Variants in DAD1 observed in about 807,000 individuals in gnomAD.
DAD1 encodes defender against cell death 1, also known as dolichyl-diphosphooligosaccharide--protein glycosyltransferase subunit DAD1.
In DAD1, 4 loss-of-function variants were observed where a neutral mutation model predicts 9.0. The observed-to-expected ratio is 0.44, with a 90% CI of 0.22 to 1.01. The LOEUF is 1.01. Ranked by LOEUF, DAD1 falls within the 50% of genes least tolerant of loss-of-function variation. The pLI, the probability that DAD1 is intolerant of heterozygous loss-of-function variation, is 0.24. For missense variants in DAD1, 119 were observed against 137.3 expected (o/e 0.87, Z 0.67); for synonymous variants, 60 against 62.5 (o/e 0.96, Z 0.19).
intron 1 of DAD1, among the ~76,000 whole-genome samples, chr14:22,577,584 A>G (rs987974570): frequency 3.3e-5 from 5 of 152,254 alleles, no homozygotes; most frequent in South Asian, 2.1e-4. Flanking sequence ...GTATACATAC[A>G]ATGGAATACT....
At chr14:22,573,162 G>T (rs570845842) in intron 2 of DAD1, among the ~76,000 whole-genome samples, 2 of 151,284 alleles carry the variant, frequency 1.3e-5, no homozygotes, top group Non-Finnish European at 2.9e-5. Context: ...TGTCTTGAAG[G>T]CAGAAGCCAC....
chr14:22,581,743 CA>C (rs59052046), intron 1 of DAD1, among the ~76,000 whole-genome samples: 208 of 36,732 alleles, frequency 5.7e-3, no homozygotes, highest in East Asian at 0.014. Context: ...AACTCCATCT[CA>C]AAAAAAAAAA....
chr14:22,578,057 C>T (rs2037090025), intron 1 of DAD1, among the ~76,000 whole-genome samples: 1 of 151,108 alleles, frequency 6.6e-6, no homozygotes, highest in Non-Finnish European at 1.5e-5. Flanking sequence ...AGTTCAAGAC[C>T]AGCCTGACCA....
intron 2 of DAD1, chr14:22,567,056 G>A (rs969881790): frequency 6.6e-6 from 1 of 152,164 alleles, no homozygotes; most frequent in African/African-American, 2.4e-5. Flanking sequence ...CTCCTCCCCT[G>A]ATATCAAGAC....
At chr14:22,569,719 T>G (rs2037025610) in intron 2 of DAD1, among the ~76,000 whole-genome samples, 1 of 152,222 alleles carries the variant, frequency 6.6e-6, no homozygotes, top group African/African-American at 2.4e-5. Flanking sequence ...TCGATATTCT[T>G]TTTTCTTTGG....
At chr14:22,581,227 CAAAT>C (rs1424228318) in intron 1 of DAD1, among the ~76,000 whole-genome samples, 2 of 152,006 alleles carry the variant, frequency 1.3e-5, no homozygotes, top group Non-Finnish European at 2.9e-5. Context: ...AATAAGTTAA[CAAAT>C]AAACCAGGAA....
At chr14:22,573,012 TCTG>T (rs1420986607) in intron 2 of DAD1, among the ~76,000 whole-genome samples, 1 of 152,218 alleles carries the variant, frequency 6.6e-6, no homozygotes, top group Non-Finnish European at 1.5e-5. Context: ...AGATAACTCA[TCTG>T]CTGTCCCTGC....
chr14:22,565,048 G>C lies in DAD1; in HGVS notation c.*134C>G. 1.4e-6 allele frequency: 1 copy of C among 698,548 alleles called. No individual in the cohort carries two copies. The highest frequency in any genetic ancestry group is 1.5e-5 in the South Asian group (1 of 66,840). 43.3% of individuals were successfully genotyped at this position (698,548 alleles called of 1,614,324 possible). ...GCTTTTCTCCTGCATAAAAAGCAGA[G>C]CTAGCAGTAAGTGCAAATCTGAAGA... On this transcript the variant is annotated 3_prime_UTR_variant, in exon 3 of 3. Coordinates refer to ENST00000250498, the MANE Select transcript of DAD1 (RefSeq NM_001344.4).
At chr14:22,586,399 G>A (rs1292174171) in intron 1 of DAD1, among the ~76,000 whole-genome samples, 1 of 151,972 alleles carries the variant, frequency 6.6e-6, no homozygotes, top group Non-Finnish European at 1.5e-5. Flanking sequence ...TACAAAATTC[G>A]CCGGGCGTGG....
At chr14:22,568,359 A>C (rs2037015025) in intron 2 of DAD1, among the ~76,000 whole-genome samples, 2 of 152,252 alleles carry the variant, frequency 1.3e-5, no homozygotes, top group Non-Finnish European at 2.9e-5. Flanking sequence ...TTTTTGTAAA[A>C]GGCTTCATAC....
intron 1 of DAD1, among the ~76,000 whole-genome samples, chr14:22,583,168 G>A (rs2037129422): frequency 6.6e-6 from 1 of 152,130 alleles, no homozygotes; most frequent in South Asian, 2.1e-4. Context: ...TTACTAATTT[G>A]GAATTCGGGG....
At chr14:22,571,140 A>G (rs1013267271) in intron 2 of DAD1, among the ~76,000 whole-genome samples, 1 of 151,726 alleles carries the variant, frequency 6.6e-6, no homozygotes, top group Non-Finnish European at 1.5e-5. Flanking sequence ...TAGCCAACAG[A>G]GTGAAACCCC....
chr14:22,570,278 G>T (rs1431826285), intron 2 of DAD1, among the ~76,000 whole-genome samples: 1 of 152,090 alleles, frequency 6.6e-6, no homozygotes, highest in African/African-American at 2.4e-5. Flanking sequence ...GAAATCAAAC[G>T]GGAAACCTGC....
intron 1 of DAD1, among the ~76,000 whole-genome samples, chr14:22,581,675 G>A (rs776616277): frequency 3.4e-5 from 5 of 145,598 alleles, no homozygotes; most frequent in African/African-American, 1.3e-4. Flanking sequence ...CCCGGGAGGC[G>A]GAAGTTGCAG....
At chr14:22,568,172 A>G (rs753956611) in intron 2 of DAD1, among the ~76,000 whole-genome samples, 3 of 152,156 alleles carry the variant, frequency 2.0e-5, no homozygotes, top group Non-Finnish European at 4.4e-5. Flanking sequence ...CTAAAGTTTC[A>G]CCAAGGTGTA....
At chr14:22,585,550 C>G (rs185595961) in intron 1 of DAD1, among the ~76,000 whole-genome samples, 2 of 152,246 alleles carry the variant, frequency 1.3e-5, no homozygotes, top group Admixed American at 1.3e-4. Flanking sequence ...CCTTTTAAAG[C>G]CAATATATTA....
chr14:22,589,179 G>T lies in DAD1; in HGVS notation c.-22C>A, dbSNP rs764874041. The T allele has an allele frequency of 4.3e-6, 7 of 1,613,236 alleles. No homozygotes were observed. The South Asian group carries it at 7.7e-5, about 18-fold the overall frequency. Reference sequence around the variant, plus strand: ...ACATAACTGCACGCAAGGTACTCCGGTCCGCGCCCCAAACTCTTGGAGGAC... The same window carrying T: ...ACATAACTGCACGCAAGGTACTCCGTTCCGCGCCCCAAACTCTTGGAGGAC... On this transcript the variant is annotated 5_prime_UTR_variant, in exon 1 of 3. Coordinates refer to ENST00000250498, the MANE Select transcript of DAD1 (RefSeq NM_001344.4).
At chr14:22,579,764 T>G (rs967088071) in intron 1 of DAD1, among the ~76,000 whole-genome samples, 3 of 151,542 alleles carry the variant, frequency 2.0e-5, no homozygotes, top group Non-Finnish European at 4.4e-5. Flanking sequence ...ATGCAATTAT[T>G]CAAAAGAATA....
intron 1 of DAD1, among the ~76,000 whole-genome samples, chr14:22,577,825 G>A (rs558906263): frequency 3.3e-5 from 5 of 151,744 alleles, no homozygotes; most frequent in South Asian, 4.2e-4. Flanking sequence ...TTTCAGTTGC[G>A]GAAGACAAAA....
Sources: gnomAD v4.1 joint callset for allele counts (sites outside exome capture counted in the v4.1 genomes callset) on GRCh38, gnomAD v4.1.1 for gene constraint, MANE v1.5 for transcripts, NCBI Gene and HGNC (gene_info 2026-07-23, HGNC 2026-07-21) for gene names.